C2CD2: variants seen among roughly 807,000 people sequenced by gnomAD.
C2CD2 encodes the protein C2 domain-containing protein 2.
In C2CD2, 43 loss-of-function variants were observed where a neutral mutation model predicts 74.3. The ratio of observed to expected loss-of-function variants is 0.58; its 90% CI spans 0.45 to 0.75. The LOEUF is 0.75. Among genes scored for constraint, C2CD2 ranks in the 30% least tolerant of loss-of-function variants. C2CD2 has a pLI of 0.00. For missense variants in C2CD2, 801 were observed against 916.3 expected (o/e 0.87, Z 1.63); for synonymous variants, 422 against 390.7 (o/e 1.08, Z -0.94).
At chr21:41,952,451 T>G (rs73221457) in intron 1 of C2CD2, among the ~76,000 whole-genome samples, 9,297 of 152,248 alleles carry the variant, frequency 0.061, 378 homozygotes, top group African/African-American at 0.11. Flanking sequence ...TGCACAGGCA[T>G]GTGCAGGAAA....
At chr21:41,902,470 A>G (rs578080078) in intron 11 of C2CD2, among the ~76,000 whole-genome samples, 21 of 152,292 alleles carry the variant, frequency 1.4e-4, no homozygotes, top group African/African-American at 5.1e-4. Flanking sequence ...CCTTCCTTTT[A>G]TCCCATTTGA....
At chr21:41,949,774 G>A (rs1030728426) in intron 1 of C2CD2, among the ~76,000 whole-genome samples, 1 of 152,214 alleles carries the variant, frequency 6.6e-6, no homozygotes, top group Non-Finnish European at 1.5e-5. Context: ...TTAAGAAAAT[G>A]TGGCACATAT....
At position 41,903,855 on chromosome 21, in the gene C2CD2, G is replaced by A. The variant is rs1033466704; in HGVS notation, c.1432+1869C>T. ...GTCTTTTAAGAGGGATCCTGCCCAC[G>A]TGACAGGACCCCGCAGCATGGGCAG... On this transcript the variant is annotated intron_variant, in intron 11 of 13. Coordinates refer to ENST00000380486, the MANE Select transcript of C2CD2 (RefSeq NM_015500.2). This position sits in a 1 kb window ranked among gnomAD's most constrained non-coding sequence, Gnocchi z 4.5. Among the ~76,000 whole-genome samples the A allele has an allele frequency of 1.1e-4, 16 of 152,172 alleles. No homozygotes were observed. The highest frequency in any genetic ancestry group is 3.6e-4 in the African/African-American group (15 of 41,438).
intron 1 of C2CD2, among the ~76,000 whole-genome samples, chr21:41,947,141 C>CTCTCTCTCTCTCTCT (rs1569084407): frequency 8.9e-4 from 18 of 20,174 alleles, no homozygotes; most frequent in African/African-American, 3.2e-3. Context: ...TCTCTCTCTC[C>CTCTCTCTCTCTCTCT]CTCCCTCCCT....
intron 13 of C2CD2, among the ~76,000 whole-genome samples, chr21:41,896,425 G>A (rs2064822890): frequency 6.6e-6 from 1 of 151,920 alleles, no homozygotes; most frequent in South Asian, 2.1e-4. Flanking sequence ...TTTTTTTTCC[G>A]AAAACCTCCC....
intron 1 of C2CD2, among the ~76,000 whole-genome samples, chr21:41,949,096 G>C (rs2065429256): frequency 1.3e-5 from 2 of 151,876 alleles, no homozygotes; most frequent in African/African-American, 4.8e-5. Flanking sequence ...CTTCGGGACA[G>C]GTGCTGCCCA....
rs920313988 is a variant in C2CD2 at position 41,918,881 on chromosome 21, T to C, written c.572A>G (p.Asn191Ser). Residue 191 changes from asparagine to serine, a missense_variant, in exon 4 of 14, where the codon AAT becomes AGT. Coordinates refer to ENST00000380486, the MANE Select transcript of C2CD2 (RefSeq NM_015500.2). ...CTCCCCCAGTGCTTTGGGCTGGATA[T>C]TAACGGCCATTTCCGGCACACTGAT... is the stretch of plus-strand genomic sequence containing the variant. ...SFISVPEMAV[N>S]IQPKALGEDQ... 6.2e-7 allele frequency: 1 copy of C among 1,614,160 alleles called. No individual in the cohort carries two copies. The highest frequency in any genetic ancestry group is 1.1e-5 in the South Asian group (1 of 91,078).
chr21:41,902,192 C>CA (rs960121944), intron 11 of C2CD2, among the ~76,000 whole-genome samples: 3 of 152,172 alleles, frequency 2.0e-5, no homozygotes, highest in South Asian at 2.1e-4. Context: ...AAGCAAACAA[C>CA]AAAAAAAAAA....
At chr21:41,916,705 A>C (rs112186849) in intron 5 of C2CD2, among the ~76,000 whole-genome samples, 1 of 139,102 alleles carries the variant, frequency 7.2e-6, no homozygotes, top group African/African-American at 2.8e-5. Flanking sequence ...ACACACACAC[A>C]CTCCCATTGG....
At chr21:41,937,870 C>G (rs185089929) in intron 2 of C2CD2, among the ~76,000 whole-genome samples, 1 of 152,272 alleles carries the variant, frequency 6.6e-6, no homozygotes, top group South Asian at 2.1e-4. Flanking sequence ...ACAAATTCCA[C>G]GTGATCTCAC....
Position 41,931,395 on chromosome 21 carries a change from G to A in C2CD2, c.379-9310C>T, listed in dbSNP as rs533819726. Among the ~76,000 whole-genome samples the A allele has an allele frequency of 8.1e-5, 12 of 148,818 alleles. 1 individual carries two copies. In the South Asian group the frequency reaches 1.5e-3, roughly 19 times the overall value. Reference sequence around the variant, plus strand: ...GCTCTGAAAACCCTTGGAATCTCCCGAGAGATAAGAGCGTCTTTTGAGAAG... The same window carrying A: ...GCTCTGAAAACCCTTGGAATCTCCCAAGAGATAAGAGCGTCTTTTGAGAAG... On this transcript the variant is annotated intron_variant, in intron 2 of 13. Transcript: ENST00000380486.
chr21:41,935,750 G>A lies in C2CD2; in HGVS notation c.378+6397C>T, dbSNP rs2065301716. On this transcript the variant is annotated intron_variant, in intron 2 of 13. Coordinates refer to ENST00000380486, the MANE Select transcript of C2CD2 (RefSeq NM_015500.2). ...ACCTGTAATCCCAGCTACTCGGGAG[G>A]CTGAGGCAGGAGAATCACTTGAACC... is the stretch of plus-strand genomic sequence containing the variant. Among the ~76,000 whole-genome samples the A allele has an allele frequency of 2.0e-5, 3 of 152,108 alleles. No individual in the cohort carries two copies. The South Asian group carries it at 6.2e-4, about 32-fold the overall frequency.
chr21:41,918,542 C>T (rs1369143944), intron 4 of C2CD2, among the ~76,000 whole-genome samples: 1 of 152,138 alleles, frequency 6.6e-6, no homozygotes, highest in Non-Finnish European at 1.5e-5. Context: ...AAAATCATCC[C>T]CAGCCAATTA....
At chr21:41,932,489 G>T (rs2065271377) in intron 2 of C2CD2, among the ~76,000 whole-genome samples, 1 of 150,742 alleles carries the variant, frequency 6.6e-6, no homozygotes, top group Admixed American at 6.6e-5. Context: ...TACGCCTGGT[G>T]TCTGAAGTGG....
At chr21:41,928,544 CAA>C (rs59346777) in intron 2 of C2CD2, among the ~76,000 whole-genome samples, 20,978 of 72,114 alleles carry the variant, frequency 0.29, 1,006 homozygotes, top group Non-Finnish European at 0.35. Context: ...TAAAGCAAAG[CAA>C]AAAAAAAAAA....
intron 5 of C2CD2, among the ~76,000 whole-genome samples, chr21:41,917,037 C>T (rs534666290): frequency 9.2e-5 from 14 of 152,188 alleles, no homozygotes; most frequent in Non-Finnish European, 1.6e-4. Context: ...AGGCTGAGTG[C>T]CCCCAGGCCT....
rs1050882082 is a variant in C2CD2, at chr21:41,888,699, G to A, written c.*425C>T. On this transcript the variant is annotated 3_prime_UTR_variant, in exon 14 of 14. Coordinates refer to ENST00000380486, the MANE Select transcript of C2CD2 (RefSeq NM_015500.2). ...TTCCATTCACAGTGACAGCACAGGG[G>A]GGCACCTCCTTTTTGTGACATGGTC... The A allele has an allele frequency of 5.4e-6, 1 of 186,914 alleles. No individual in the cohort carries two copies. Among genetic ancestry groups the A allele is most frequent in the African/African-American group, 2.3e-5 (1 of 42,940 alleles). The allele number at this position is 186,914 out of a possible 1,614,324, so 11.6% of individuals were successfully genotyped here.
Position 41,942,257 on chromosome 21 carries a change from G to C in C2CD2, c.280-12C>G, listed in dbSNP as rs766196063. 3 of 1,546,778 alleles carry C rather than the reference G, an allele frequency of 1.9e-6. No individual in the cohort carries two copies. Among genetic ancestry groups the C allele is most frequent in the Non-Finnish European group, 2.6e-6 (3 of 1,143,974 alleles). ...AGGAAAGGTGGGCCCTGGAACAGAG[G>C]GGCAGCATGAGGAGGGCATGCACAG... On this transcript the variant is annotated splice_polypyrimidine_tract_variant and intron_variant, in intron 1 of 13. Transcript: ENST00000380486.
chr21:41,936,613 C>T (rs544293701), intron 2 of C2CD2, among the ~76,000 whole-genome samples: 7 of 152,250 alleles, frequency 4.6e-5, no homozygotes, highest in African/African-American at 1.4e-4. Context: ...CCTTGAACAA[C>T]GTGGGTTTCA....
Sources: allele counts gnomAD v4.1 joint callset (sites outside exome capture counted in the v4.1 genomes callset), GRCh38; gene constraint gnomAD v4.1.1; non-coding constraint Gnocchi (gnomAD v3.1); transcripts MANE v1.5; gene names NCBI Gene and HGNC (gene_info 2026-07-23, HGNC 2026-07-21).